SNX6: variants seen among roughly 807,000 people sequenced by gnomAD.
SNX6 encodes the protein sorting nexin 6.
SNX6 carries 34 observed loss-of-function variants against 63.0 expected under a neutral mutation model. The ratio of observed to expected loss-of-function variants is 0.54; its 90% CI spans 0.41 to 0.72. The LOEUF is 0.72. Among genes scored for constraint, SNX6 ranks in the 30% least tolerant of loss-of-function variants. SNX6 has a pLI of 0.00. For synonymous variants in SNX6, 170 were observed against 164.2 expected, an observed-to-expected ratio of 1.04 and a Z score of -0.27; for missense variants, 398 against 471.4, an observed-to-expected ratio of 0.84 and a Z score of 1.44.
intron 2 of SNX6, among the ~76,000 whole-genome samples, chr14:34,628,407 C>CTCTT (rs2138400359): frequency 6.6e-6 from 1 of 152,228 alleles, no homozygotes; most frequent in East Asian, 1.9e-4. Flanking sequence ...TGCAGTGAGC[C>CTCTT]AAGATAGCGC....
chr14:34,564,264 G>T (rs1881068177), intron 13 of SNX6, among the ~76,000 whole-genome samples: 1 of 152,122 alleles, frequency 6.6e-6, no homozygotes, highest in South Asian at 2.1e-4. Context: ...CTGACCTCAG[G>T]TGATCTGCCC....
At chr14:34,587,838 C>T (rs1173673546) in intron 8 of SNX6, among the ~76,000 whole-genome samples, 10 of 137,580 alleles carry the variant, frequency 7.3e-5, no homozygotes, top group Non-Finnish European at 1.2e-4. Context: ...AGGGATAAGG[C>T]CTGACTCTGC....
rs1369291141 is a variant in SNX6, at chr14:34,599,992, TAA to T, written c.517-2349_517-2348del. Among the ~76,000 whole-genome samples, 3 of 152,142 alleles carry T rather than the reference TAA, an allele frequency of 2.0e-5. No homozygotes were observed. In the South Asian group the frequency reaches 6.2e-4, roughly 31 times the overall value. ...GTCCCTTTCCACTCCTACTCTCCAGTAAAAGTCTTCATCATCTCTTTCCTAGA... is the reference window on the plus strand; with the variant it reads ...GTCCCTTTCCACTCCTACTCTCCAGTAAGTCTTCATCATCTCTTTCCTAGA... On this transcript the variant is annotated intron_variant, in intron 6 of 13. Coordinates refer to ENST00000362031, the MANE Select transcript of SNX6 (RefSeq NM_152233.4).
At chr14:34,604,130 C>T in intron 5 of SNX6, 1 of 1,265,236 alleles carries the variant, frequency 7.9e-7, no homozygotes, top group African/African-American at 1.6e-5. Flanking sequence ...ATAAGTTTTA[C>T]ATACCAGCAA....
chr14:34,624,004 C>T (rs895399624), intron 2 of SNX6, among the ~76,000 whole-genome samples: 1 of 152,136 alleles, frequency 6.6e-6, no homozygotes, highest in African/African-American at 2.4e-5. Context: ...GAGGAAAAAC[C>T]TATTATATAG....
At chr14:34,594,876 T>G (rs1269923435) in intron 7 of SNX6, among the ~76,000 whole-genome samples, 1 of 151,894 alleles carries the variant, frequency 6.6e-6, no homozygotes, top group African/African-American at 2.4e-5. Flanking sequence ...GGTGGGCAGA[T>G]CACTTGAGCC....
chr14:34,627,793 A>G (rs532314328), intron 2 of SNX6, among the ~76,000 whole-genome samples: 1 of 151,334 alleles, frequency 6.6e-6, no homozygotes, highest in Non-Finnish European at 1.5e-5. Context: ...CCTGGTCTTA[A>G]AATTTTTAGG....
chr14:34,597,917 A>G lies in SNX6; in HGVS notation c.517-272T>C, dbSNP rs376692604. 1.1e-3 allele frequency among the ~76,000 whole-genome samples: 171 copies of G among 152,314 alleles called. 1 individual carries two copies. The South Asian group carries it at 0.021, about 19-fold the overall frequency. On this transcript the variant is annotated intron_variant, in intron 6 of 13. Coordinates refer to ENST00000362031, the MANE Select transcript of SNX6 (RefSeq NM_152233.4). ...ATTTCACATTTTATGAGCATATCTG[A>G]TAATTCTGTTGCAAGCAGCCCTCTC... is the stretch of plus-strand genomic sequence containing the variant.
chr14:34,568,432 C>T (rs534954330), intron 11 of SNX6, among the ~76,000 whole-genome samples: 22 of 151,840 alleles, frequency 1.4e-4, no homozygotes, highest in Middle Eastern at 3.4e-3. Context: ...GGTTTCACCA[C>T]GTTAGCCAGG....
intron 11 of SNX6, among the ~76,000 whole-genome samples, chr14:34,569,858 A>G (rs918115791): frequency 6.6e-6 from 1 of 152,194 alleles, no homozygotes; most frequent in African/African-American, 2.4e-5. Flanking sequence ...ACATTTGCAT[A>G]CAAGTGTTTA....
chr14:34,575,294 G>A (rs915948637), intron 11 of SNX6, among the ~76,000 whole-genome samples: 4 of 149,794 alleles, frequency 2.7e-5, no homozygotes, highest in South Asian at 2.1e-4. Context: ...TCTGCCTCCC[G>A]GGTTCAAGTG....
intron 11 of SNX6, among the ~76,000 whole-genome samples, chr14:34,570,725 CTTTTT>C: frequency 8.7e-6 from 1 of 114,402 alleles, no homozygotes; most frequent in South Asian, 3.2e-4. Flanking sequence ...CTGGCCTTCT[CTTTTT>C]TTTTTTTTTT....
At chr14:34,604,253 CT>C in intron 5 of SNX6, 1 of 1,283,522 alleles carries the variant, frequency 7.8e-7, no homozygotes, top group Non-Finnish European at 1.0e-6. Flanking sequence ...ACCCAAGGTT[CT>C]CTGTTATCCA....
At chr14:34,567,265 T>A (rs1244582197) in intron 13 of SNX6, among the ~76,000 whole-genome samples, 5 of 151,562 alleles carry the variant, frequency 3.3e-5, no homozygotes, top group African/African-American at 1.2e-4. Flanking sequence ...GGCAGGAGGA[T>A]CATTTGAGGA....
chr14:34,610,594 T>C (rs962473554), intron 2 of SNX6, among the ~76,000 whole-genome samples: 1 of 152,120 alleles, frequency 6.6e-6, no homozygotes, highest in Non-Finnish European at 1.5e-5. Context: ...AATACTAACA[T>C]ACAGTAAGTA....
intron 7 of SNX6, among the ~76,000 whole-genome samples, chr14:34,594,962 C>G (rs903684961): frequency 1.3e-5 from 2 of 151,984 alleles, no homozygotes; most frequent in Admixed American, 1.3e-4. Context: ...TGTGATGGCA[C>G]GTACCTATAG....
In SNX6 at chr14:34,597,621, TTTTA is replaced by T; in HGVS notation, c.537_540del (p.Asn179LysfsTer19). ...TTAAAGAAGTCTTCAAGTTTCTCTT[TTTTA>T]TTTTTTCCTCGCACACTCAACTGAA... On this transcript the variant is annotated frameshift_variant, in exon 7 of 14. Coordinates refer to ENST00000362031, the MANE Select transcript of SNX6 (RefSeq NM_152233.4). LOFTEE classifies it high-confidence loss of function. 6.2e-7 allele frequency: 1 copy of T among 1,605,872 alleles called. No individual in the cohort carries two copies. The highest frequency in any genetic ancestry group is 8.5e-7 in the Non-Finnish European group (1 of 1,175,234).
At chr14:34,629,018 G>C (rs988335569) in intron 2 of SNX6, among the ~76,000 whole-genome samples, 1 of 152,012 alleles carries the variant, frequency 6.6e-6, no homozygotes, top group African/African-American at 2.4e-5. Context: ...AGAACACCAA[G>C]GGCAGAATGG....
rs561517759 is a variant in SNX6, at chr14:34,584,756, T to A, written c.794+1474A>T. Among the ~76,000 whole-genome samples, 668 of 150,688 alleles carry A rather than the reference T, an allele frequency of 4.4e-3. 1 individual carries two copies. Among genetic ancestry groups the A allele is most frequent in the Non-Finnish European group, 6.2e-3 (422 of 67,930 alleles). ...ACAGTTGGGGAGGAAGAAAAAAAAA[T>A]ATATATAGAGAGAGAGAGTAAAGTC... is the stretch of plus-strand genomic sequence containing the variant. On this transcript the variant is annotated intron_variant, in intron 9 of 13. Coordinates refer to ENST00000362031, the MANE Select transcript of SNX6 (RefSeq NM_152233.4).
Sources: allele counts gnomAD v4.1 joint callset (sites outside exome capture counted in the v4.1 genomes callset), GRCh38; gene constraint gnomAD v4.1.1; transcripts MANE v1.5; gene names NCBI Gene and HGNC (gene_info 2026-07-23, HGNC 2026-07-21).